The following FAM117A variants were observed in gnomAD, a reference collection of about 807,000 sequenced individuals.
FAM117A encodes protein FAM117A.
A neutral mutation model predicts 44.1 loss-of-function variants in FAM117A; 21 were observed. The observed-to-expected ratio is 0.48, with a 90% CI of 0.34 to 0.69. The LOEUF (loss-of-function observed/expected upper bound fraction) is 0.69. FAM117A is among the 30% of genes least tolerant of loss of function. The pLI, the probability that FAM117A is intolerant of heterozygous loss-of-function variation, is 0.01. For missense variants in FAM117A, 498 were observed against 589.9 expected (o/e 0.84, Z 1.61); for synonymous variants, 220 against 238.3 (o/e 0.92, Z 0.71).
intron 1 of FAM117A, among the ~76,000 whole-genome samples, chr17:49,745,549 C>G (rs1287878173): frequency 6.6e-6 from 1 of 152,208 alleles, no homozygotes; most frequent in Non-Finnish European, 1.5e-5. Flanking sequence ...CATTATGTAT[C>G]TCCTAAAGTG....
At chr17:49,755,447 T>C (rs2035167240) in intron 1 of FAM117A, among the ~76,000 whole-genome samples, 1 of 152,248 alleles carries the variant, frequency 6.6e-6, no homozygotes, top group Non-Finnish European at 1.5e-5. Context: ...CTTGGTCTCC[T>C]TGGCCTCTCA....
chr17:49,720,069 T>C, intron 4 of FAM117A, 175 bp from the exon 5 acceptor site: 2 of 901,408 alleles, frequency 2.2e-6, no homozygotes, highest in Non-Finnish European at 3.3e-6. Flanking sequence ...TCCAAAAGTT[T>C]GAGCTTTGCA....
rs565392888 is a variant in FAM117A, at chr17:49,773,137, C to T, written c.-621+15360G>A. ...TGGCCAACATGGTGAAACCCCGTCT[C>T]TACTAAAAATACAAAAAATTAGCCA... On this transcript the variant is annotated intron_variant, in intron 1 of 7. Coordinates refer to the FAM117A transcript ENST00000513602. 1.2e-3 allele frequency among the ~76,000 whole-genome samples: 180 copies of T among 152,262 alleles called. 1 individual carries two copies. Among genetic ancestry groups the T allele is most frequent in the Non-Finnish European group, 2.1e-3 (141 of 68,018 alleles).
chr17:49,728,436 T>C (rs1676031409), intron 2 of FAM117A, among the ~76,000 whole-genome samples: 1 of 148,522 alleles, frequency 6.7e-6, no homozygotes, highest in Non-Finnish European at 1.5e-5. Flanking sequence ...AAAGGGTAAG[T>C]TGGGGCTAAA....
chr17:49,766,066 C>G (rs984461266), upstream of FAM117A, among the ~76,000 whole-genome samples: 1 of 152,090 alleles, frequency 6.6e-6, no homozygotes, highest in Admixed American at 6.5e-5. Context: ...ATGCTAGGTA[C>G]ATGTTAAGTA....
At chr17:49,768,565 G>A (rs1386703220), upstream of FAM117A, among the ~76,000 whole-genome samples, 1 of 152,014 alleles carries the variant, frequency 6.6e-6, no homozygotes, top group Non-Finnish European at 1.5e-5. Flanking sequence ...GTCTCTTTCC[G>A]ACCTACCTCC....
At chr17:49,736,310 G>A (rs2073610699) in intron 1 of FAM117A, among the ~76,000 whole-genome samples, 1 of 150,552 alleles carries the variant, frequency 6.6e-6, no homozygotes, top group South Asian at 2.1e-4. Flanking sequence ...AGGCTGGAGT[G>A]CAGTGGCACA....
chr17:49,724,835 AAAAAG>A (rs2073552528), intron 2 of FAM117A, among the ~76,000 whole-genome samples: 1 of 151,416 alleles, frequency 6.6e-6, no homozygotes, highest in South Asian at 2.1e-4. Context: ...AAAAAAAAAA[AAAAAG>A]AAAGAAAGAA....
intron 2 of FAM117A, among the ~76,000 whole-genome samples, chr17:49,729,662 T>C (rs1249010511): frequency 6.6e-6 from 1 of 151,922 alleles, no homozygotes; most frequent in Admixed American, 6.6e-5. Flanking sequence ...TGAGTCACCA[T>C]GCCCAGCTAA....
Position 49,782,700 on chromosome 17 carries a change from A to C in FAM117A, c.-621+5797T>G, listed in dbSNP as rs1029861032. On this transcript the variant is annotated intron_variant, in intron 1 of 7. Transcript: ENST00000513602. Reference sequence around the variant, plus strand: ...GCTAGACTTTGTCTCAAAAAAAAAAAAAAAAAAAAAACCCTTTGTGGCGGC... The same window carrying C: ...GCTAGACTTTGTCTCAAAAAAAAAACAAAAAAAAAAACCCTTTGTGGCGGC... Among the ~76,000 whole-genome samples, 67 of 125,386 alleles carry C rather than the reference A, an allele frequency of 5.3e-4. 1 individual carries two copies. Among genetic ancestry groups the C allele is most frequent in the African/African-American group, 1.7e-3 (66 of 39,156 alleles). 82.3% of individuals were successfully genotyped at this position (125,386 alleles called of 152,430 possible).
chr17:49,734,128 G>A (rs2073599629), intron 1 of FAM117A, among the ~76,000 whole-genome samples: 1 of 148,138 alleles, frequency 6.8e-6, no homozygotes, highest in South Asian at 2.1e-4. Flanking sequence ...GGACAACAGA[G>A]CGAGACTCTG....
intron 1 of FAM117A, among the ~76,000 whole-genome samples, chr17:49,752,124 T>C (rs1313569006): frequency 6.6e-6 from 1 of 152,082 alleles, no homozygotes; most frequent in African/African-American, 2.4e-5. Flanking sequence ...GAGTATGCTT[T>C]GGAGGTAAGA....
intron 3 of FAM117A, among the ~76,000 whole-genome samples, chr17:49,721,302 G>A (rs2073533072): frequency 6.6e-6 from 1 of 152,064 alleles, no homozygotes; most frequent in African/African-American, 2.4e-5. Context: ...AAATGCTCAG[G>A]GGATGAAGAG....
chr17:49,720,274 G>T, intron 4 of FAM117A, 52 bp downstream of exon 4: 1 of 1,414,292 alleles, frequency 7.1e-7, no homozygotes. Flanking sequence ...CCCATATAGG[G>T]GGGCCTGCAT....
intron 1 of FAM117A, among the ~76,000 whole-genome samples, chr17:49,761,409 T>G (rs2073722026): frequency 6.6e-6 from 1 of 152,230 alleles, no homozygotes; most frequent in African/African-American, 2.4e-5. Context: ...GCAGAGGGAA[T>G]AATAATATAA....
chr17:49,754,272 C>T (rs983811459), intron 1 of FAM117A, among the ~76,000 whole-genome samples: 1 of 151,698 alleles, frequency 6.6e-6, no homozygotes, highest in Non-Finnish European at 1.5e-5. Context: ...CCCAAAGCCA[C>T]GTGGGCGACC....
At chr17:49,733,530 G>T (rs370853824) in intron 1 of FAM117A, among the ~76,000 whole-genome samples, 1 of 151,854 alleles carries the variant, frequency 6.6e-6, no homozygotes, top group African/African-American at 2.4e-5. Flanking sequence ...AAAATTAGCC[G>T]GGCGTGGTGG....
At chr17:49,753,775 C>T (rs1212373015) in intron 1 of FAM117A, among the ~76,000 whole-genome samples, 1 of 152,170 alleles carries the variant, frequency 6.6e-6, no homozygotes, top group Non-Finnish European at 1.5e-5. Flanking sequence ...CAGAGTGAGA[C>T]TCTGTCTCAA....
intron 7 of FAM117A, among the ~76,000 whole-genome samples, chr17:49,713,804 C>G (rs1260586169): frequency 6.6e-6 from 1 of 152,166 alleles, no homozygotes; most frequent in African/African-American, 2.4e-5. Flanking sequence ...CTGCACCCAG[C>G]CAATTACCAT....
Sources: allele counts gnomAD v4.1 joint callset (sites outside exome capture counted in the v4.1 genomes callset), GRCh38; gene constraint gnomAD v4.1.1; transcripts MANE v1.5; gene names NCBI Gene and HGNC (gene_info 2026-07-23, HGNC 2026-07-21).